The following KCNB2 variants were observed in gnomAD, a reference collection of about 807,000 sequenced individuals.
KCNB2 encodes potassium voltage-gated channel subfamily B member 2, also known as delayed rectifier potassium channel protein.
In KCNB2, 15 loss-of-function variants were observed where a neutral mutation model predicts 61.5. That is an observed-to-expected ratio of 0.24 (90% CI 0.16 to 0.38). KCNB2 has a LOEUF of 0.38. KCNB2 is among the 10% of genes least tolerant of loss of function. The pLI is 1.00. For missense variants in KCNB2, 828 were observed against 1,125.2 expected (o/e 0.74, Z 3.78); for synonymous variants, 457 against 446.0 (o/e 1.02, Z -0.31).
chr8:72,572,462 G>A (rs900436898), intron 2 of KCNB2, among the ~76,000 whole-genome samples: 1 of 151,976 alleles, frequency 6.6e-6, no homozygotes, highest in African/African-American at 2.4e-5. Context: ...CATGGTTTAG[G>A]ATCTGCTTCC....
intron 2 of KCNB2, among the ~76,000 whole-genome samples, chr8:72,718,418 T>A (rs1807484849): frequency 6.6e-6 from 1 of 152,314 alleles, no homozygotes; most frequent in East Asian, 1.9e-4. Flanking sequence ...CGAACCCAAA[T>A]GTCCAACAAT....
At chr8:72,916,067 G>A (rs1277261134) in intron 2 of KCNB2, among the ~76,000 whole-genome samples, 2 of 152,204 alleles carry the variant, frequency 1.3e-5, no homozygotes, top group Non-Finnish European at 2.9e-5. Context: ...ATTTGGAAAT[G>A]TGGAACTGGT....
chr8:72,781,236 A>G (rs1201637334), intron 2 of KCNB2, among the ~76,000 whole-genome samples: 1 of 151,948 alleles, frequency 6.6e-6, no homozygotes, highest in Non-Finnish European at 1.5e-5. Context: ...CCCATTTGTC[A>G]ATTTTAGCTT....
intron 2 of KCNB2, among the ~76,000 whole-genome samples, chr8:72,913,060 T>C (rs918057220): frequency 2.0e-5 from 3 of 152,138 alleles, no homozygotes; most frequent in Non-Finnish European, 4.4e-5. Flanking sequence ...TCCAACATTT[T>C]CAGCAACCAG....
In KCNB2 at chr8:72,677,067, A is replaced by G. The variant is rs149695714; in HGVS notation, c.579+108754A>G. Among the ~76,000 whole-genome samples the G allele has an allele frequency of 7.8e-3, 1,176 of 150,824 alleles. 16 individuals carry two copies. Among genetic ancestry groups the G allele is most frequent in the African/African-American group, 0.024 (984 of 40,740 alleles). ...GAGTAGGGTGGGCCCCTAAACCAAT[A>G]TGACTTGCATGCCTATAAAAAGGAG... On this transcript the variant is annotated intron_variant, in intron 2 of 2. Coordinates refer to ENST00000523207, the MANE Select transcript of KCNB2 (RefSeq NM_004770.3).
intron 2 of KCNB2, among the ~76,000 whole-genome samples, chr8:72,929,034 A>C (rs529298674): frequency 6.6e-6 from 1 of 152,294 alleles, no homozygotes; most frequent in South Asian, 2.1e-4. Context: ...TGCACTTGGC[A>C]GGATGCTTTC....
intron 2 of KCNB2, among the ~76,000 whole-genome samples, chr8:72,615,842 A>C (rs1563539405): frequency 2.6e-5 from 4 of 152,228 alleles, no homozygotes; most frequent in African/African-American, 7.2e-5. Context: ...AGATAAGATC[A>C]ACAGATTCAT....
At chr8:72,638,021 C>A (rs1163464181) in intron 2 of KCNB2, among the ~76,000 whole-genome samples, 5 of 152,114 alleles carry the variant, frequency 3.3e-5, no homozygotes, top group Non-Finnish European at 5.9e-5. Context: ...TTCTTATCTG[C>A]AAAATGGGAT....
chr8:72,914,960 A>G (rs986994553), intron 2 of KCNB2, among the ~76,000 whole-genome samples: 1 of 150,118 alleles, frequency 6.7e-6, no homozygotes, highest in Non-Finnish European at 1.5e-5. Flanking sequence ...GCTGGAGTGC[A>G]GTGGCAGGAT....
At chr8:72,728,004 A>G (rs1048054827) in intron 2 of KCNB2, among the ~76,000 whole-genome samples, 1 of 152,222 alleles carries the variant, frequency 6.6e-6, no homozygotes, top group African/African-American at 2.4e-5. Flanking sequence ...TTTGGAAAGC[A>G]TAAAAACCAG....
intron 2 of KCNB2, among the ~76,000 whole-genome samples, chr8:72,630,813 A>C (rs1447901074): frequency 6.6e-6 from 1 of 152,072 alleles, no homozygotes; most frequent in Non-Finnish European, 1.5e-5. Context: ...TTTTTGGTAA[A>C]AGGGGAGAAA....
Position 72,790,303 on chromosome 8 carries a change from C to T in KCNB2, c.580-145632C>T, listed in dbSNP as rs1022880001. On this transcript the variant is annotated intron_variant, in intron 2 of 2. Coordinates refer to ENST00000523207, the MANE Select transcript of KCNB2 (RefSeq NM_004770.3). Reference sequence around the variant, plus strand: ...GCTAAGGTCAGCACCCAGAGGAACTCGAGTAAATGAAGAGACACTAACCAG... The same window carrying T: ...GCTAAGGTCAGCACCCAGAGGAACTTGAGTAAATGAAGAGACACTAACCAG... Among the ~76,000 whole-genome samples the T allele has an allele frequency of 3.9e-5, 6 of 151,938 alleles. No individual in the cohort carries two copies. In the East Asian group the frequency reaches 5.8e-4, roughly 15 times the overall value.
intron 2 of KCNB2, among the ~76,000 whole-genome samples, chr8:72,617,339 T>C (rs1014657411): frequency 1.3e-5 from 2 of 152,150 alleles, no homozygotes; most frequent in African/African-American, 4.8e-5. Flanking sequence ...TGATGTATGT[T>C]GCAGAGAGAA....
chr8:72,587,887 G>C (rs1807024956), intron 2 of KCNB2, among the ~76,000 whole-genome samples: 1 of 152,218 alleles, frequency 6.6e-6, no homozygotes. Context: ...AATTGGGCAT[G>C]TGTCCATGAG....
In KCNB2 at chr8:72,550,812, G is replaced by A. The variant is rs73308763; in HGVS notation, c.-94+12927G>A. Among the ~76,000 whole-genome samples the A allele has an allele frequency of 1.4e-3, 211 of 152,310 alleles. 2 individuals are homozygous for A. The highest frequency in any genetic ancestry group is 4.9e-3 in the African/African-American group (204 of 41,562). On this transcript the variant is annotated intron_variant, in intron 1 of 2. Transcript: ENST00000523207. Reference sequence around the variant, plus strand: ...TGACAGATGGCAATCCCAGTAGACAGGAAGTTAGACTTTCTTCCTAGGGAA... The same window carrying A: ...TGACAGATGGCAATCCCAGTAGACAAGAAGTTAGACTTTCTTCCTAGGGAA...
intron 2 of KCNB2, among the ~76,000 whole-genome samples, chr8:72,758,244 T>G (rs970020444): frequency 6.6e-6 from 1 of 152,088 alleles, no homozygotes; most frequent in African/African-American, 2.4e-5. Context: ...AAAAGAGTGG[T>G]CCAGCTGAAA....
intron 2 of KCNB2, among the ~76,000 whole-genome samples, chr8:72,814,071 T>G (rs1033173377): frequency 6.6e-6 from 1 of 152,198 alleles, no homozygotes; most frequent in Non-Finnish European, 1.5e-5. Context: ...GTGTTCTTAT[T>G]GTTCAATTCC....
intron 2 of KCNB2, among the ~76,000 whole-genome samples, chr8:72,658,690 A>G (rs1434394681): frequency 2.0e-5 from 3 of 152,212 alleles, no homozygotes; most frequent in African/African-American, 4.8e-5. Context: ...GACACTTGTT[A>G]GGGGTTAATA....
At chr8:72,705,343 T>C (rs1462944255) in intron 2 of KCNB2, among the ~76,000 whole-genome samples, 1 of 152,226 alleles carries the variant, frequency 6.6e-6, no homozygotes, top group Non-Finnish European at 1.5e-5. Context: ...TGTCCTGATT[T>C]TACATGCAGG....
Sources: allele counts gnomAD v4.1 joint callset (sites outside exome capture counted in the v4.1 genomes callset), GRCh38; gene constraint gnomAD v4.1.1; transcripts MANE v1.5; gene names NCBI Gene and HGNC (gene_info 2026-07-23, HGNC 2026-07-21).